Variants in CLIC5 observed in about 807,000 individuals in gnomAD.
CLIC5 encodes the protein chloride intracellular channel protein 5.
In CLIC5, 20 loss-of-function variants were observed where a neutral mutation model predicts 24.7. The observed-to-expected ratio is 0.81, with a 90% CI of 0.57 to 1.18. The LOEUF is 1.18. CLIC5 is among the 50% of genes most tolerant of loss of function. The pLI is 0.00. For synonymous variants in CLIC5, 159 were observed against 135.6 expected (o/e 1.17, Z -1.20); for missense variants, 341 against 326.1 (o/e 1.05, Z -0.35).
chr6:46,041,874 T>G (rs1767817903), intron 1 of CLIC5, among the ~76,000 whole-genome samples: 1 of 152,212 alleles, frequency 6.6e-6, no homozygotes. Flanking sequence ...TGTTTATTAT[T>G]ATTTGTTAAT....
chr6:45,918,711 G>A (rs1048774693), intron 4 of CLIC5, among the ~76,000 whole-genome samples: 1 of 152,254 alleles, frequency 6.6e-6, no homozygotes, highest in African/African-American at 2.4e-5. Flanking sequence ...AGGAGGTTGT[G>A]GTTATTGGGC....
chr6:45,968,038 T>G (rs941173793), intron 1 of CLIC5, among the ~76,000 whole-genome samples: 17 of 152,168 alleles, frequency 1.1e-4, no homozygotes, highest in African/African-American at 3.9e-4. Flanking sequence ...ATCTTCTTCA[T>G]GCTCTATTAG....
intron 4 of CLIC5, among the ~76,000 whole-genome samples, chr6:45,918,509 T>C (rs1381239728): frequency 1.3e-5 from 2 of 152,184 alleles, no homozygotes; most frequent in East Asian, 1.9e-4. Flanking sequence ...AAAATTCACA[T>C]GGAGAGGAGC....
At chr6:46,082,626 T>C (rs1480430132), upstream of CLIC5, among the ~76,000 whole-genome samples, 1 of 152,158 alleles carries the variant, frequency 6.6e-6, no homozygotes, top group Non-Finnish European at 1.5e-5. Context: ...GGCTATTCTC[T>C]CTAAGAGAAC....
the CLIC5 span, among the ~76,000 whole-genome samples, chr6:46,129,182 T>C: frequency 2.0e-5 from 3 of 152,190 alleles, no homozygotes; most frequent in Non-Finnish European, 4.4e-5. Context: ...GACAATTAAA[T>C]TCAATAGTGA....
upstream of CLIC5, among the ~76,000 whole-genome samples, chr6:46,019,243 C>T (rs1359859098): frequency 1.3e-5 from 2 of 152,062 alleles, no homozygotes; most frequent in African/African-American, 2.4e-5. Context: ...GGTCTAAGCA[C>T]ATAAATTAAA....
intron 1 of CLIC5, among the ~76,000 whole-genome samples, chr6:46,064,569 TCAA>T (rs1454898720): frequency 3.9e-5 from 6 of 152,026 alleles, no homozygotes; most frequent in African/African-American, 1.4e-4. Context: ...CAACAACATA[TCAA>T]CAACATTGTT....
At chr6:46,093,829 AG>A in the CLIC5 span, among the ~76,000 whole-genome samples, 1 of 152,252 alleles carries the variant, frequency 6.6e-6, no homozygotes, top group Non-Finnish European at 1.5e-5. Context: ...GATTTGTACA[AG>A]AATGTTGACA....
chr6:45,905,660 TCCTCCCATTCTGTGGGCTAA>T (rs779540126), intron 5 of CLIC5, among the ~76,000 whole-genome samples: 77 of 152,298 alleles, frequency 5.1e-4, no homozygotes, highest in African/African-American at 1.8e-3. Flanking sequence ...TGCAAATACT[TCCTCCCATTCTGTGGGCTAA>T]CTGTTCACTC....
chr6:46,082,663 C>T (rs1258477317), upstream of CLIC5, among the ~76,000 whole-genome samples: 1 of 152,122 alleles, frequency 6.6e-6, no homozygotes, highest in Non-Finnish European at 1.5e-5. Context: ...TTTGCATAGT[C>T]AATTCCCCCA....
chr6:45,935,890 A>G (rs537770070), intron 4 of CLIC5, among the ~76,000 whole-genome samples: 1 of 152,202 alleles, frequency 6.6e-6, no homozygotes, highest in Non-Finnish European at 1.5e-5. Context: ...AAAGTCTCCC[A>G]GGACCTTCTC....
intron 1 of CLIC5, among the ~76,000 whole-genome samples, chr6:46,047,852 A>G (rs527876718): frequency 1.3e-5 from 2 of 152,310 alleles, no homozygotes; most frequent in South Asian, 4.1e-4. Flanking sequence ...AACAGAAAAA[A>G]CAGTATTACA....
chr6:45,953,997 C>A (rs568813453), intron 2 of CLIC5, among the ~76,000 whole-genome samples: 1 of 152,018 alleles, frequency 6.6e-6, no homozygotes, highest in East Asian at 1.9e-4. Context: ...AGAAAAAGAC[C>A]AGGAGCAGTG....
In CLIC5 at chr6:45,974,596, G is replaced by A. The variant is rs949567011; in HGVS notation, c.64-19352C>T. Among the ~76,000 whole-genome samples the A allele has an allele frequency of 8.1e-5, 12 of 148,982 alleles. No homozygotes were observed. The East Asian group carries it at 2.4e-3, about 30-fold the overall frequency. Reference sequence around the variant, plus strand: ...AGAGAGAGAGGGCATGCCATAGAGAGGAGTTGAGGGCAGGACCTGATACTG... The same window carrying A: ...AGAGAGAGAGGGCATGCCATAGAGAAGAGTTGAGGGCAGGACCTGATACTG... On this transcript the variant is annotated intron_variant, in intron 1 of 5. Coordinates refer to ENST00000339561, the MANE Select transcript of CLIC5 (RefSeq NM_016929.5).
chr6:46,117,231 G>A, the CLIC5 span, among the ~76,000 whole-genome samples: 8 of 152,100 alleles, frequency 5.3e-5, no homozygotes, highest in African/African-American at 1.9e-4. Flanking sequence ...AGGATACCAG[G>A]TTACCCCTTA....
chr6:46,019,523 A>G (rs924823188), upstream of CLIC5, among the ~76,000 whole-genome samples: 3 of 151,088 alleles, frequency 2.0e-5, no homozygotes, highest in East Asian at 5.8e-4. Flanking sequence ...CGTCTCTACT[A>G]AAAATACAAA....
intron 3 of CLIC5, among the ~76,000 whole-genome samples, chr6:45,947,561 C>T (rs545889629): frequency 4.1e-4 from 62 of 152,254 alleles, no homozygotes; most frequent in South Asian, 8.3e-4. Flanking sequence ...ATGATCATGA[C>T]GGAAGCCCCC....
At chr6:45,960,435 G>A (rs548991245) in intron 1 of CLIC5, among the ~76,000 whole-genome samples, 1 of 152,306 alleles carries the variant, frequency 6.6e-6, no homozygotes, top group South Asian at 2.1e-4. Context: ...ACAAAGTTAG[G>A]CTTTCTCACC....
At chr6:46,037,552 A>G (rs1026307974) in intron 1 of CLIC5, among the ~76,000 whole-genome samples, 17 of 152,244 alleles carry the variant, frequency 1.1e-4, no homozygotes, top group Non-Finnish European at 2.1e-4. Flanking sequence ...GATGATGGCA[A>G]TATCACCTGT....
Sources: allele counts gnomAD v4.1 joint callset (sites outside exome capture counted in the v4.1 genomes callset), GRCh38; gene constraint gnomAD v4.1.1; transcripts MANE v1.5; gene names NCBI Gene and HGNC (gene_info 2026-07-23, HGNC 2026-07-21).